Variants in RALGAPA1 observed in about 807,000 individuals in gnomAD.
RALGAPA1 encodes the protein Ral GTPase activating protein catalytic subunit alpha 1.
A neutral mutation model predicts 269.6 loss-of-function variants in RALGAPA1; 52 were observed. The ratio of observed to expected loss-of-function variants is 0.19; its 90% CI spans 0.15 to 0.24. The LOEUF (loss-of-function observed/expected upper bound fraction) is 0.24. Ranked by LOEUF, RALGAPA1 falls within the 10% of genes least tolerant of loss-of-function variation. The probability of loss-of-function intolerance (pLI) is 1.00; values close to 1 mark genes in which losing one functional copy is unlikely to be tolerated. For synonymous variants in RALGAPA1, 817 were observed against 1,008.3 expected (o/e 0.81, Z 3.60); for missense variants, 1,917 against 3,013.9 (o/e 0.64, Z 8.52).
intron 36 of RALGAPA1, among the ~76,000 whole-genome samples, chr14:35,604,369 G>T (rs554974834): frequency 6.6e-6 from 1 of 151,638 alleles, no homozygotes; most frequent in African/African-American, 2.4e-5. Flanking sequence ...TATCAATAAC[G>T]ATATCTAGAA....
rs1225305336 is a variant in RALGAPA1, at chr14:35,578,844, T to C, written c.7210-6126A>G. Among the ~76,000 whole-genome samples, 2 of 152,184 alleles carry C rather than the reference T, an allele frequency of 1.3e-5. 1 individual carries two copies. The highest frequency in any genetic ancestry group is 4.1e-4 in the South Asian group (2 of 4,832). On this transcript the variant is annotated intron_variant, in intron 37 of 41. Coordinates refer to ENST00000680220, the MANE Select transcript of RALGAPA1 (RefSeq NM_001346249.2). ...ATTCACTGAAAAAACATTTGTTAAA[T>C]GCCAACAGGCCTGGTACTAGGTGCT...
chr14:35,762,620 G>A (rs2073821413), intron 5 of RALGAPA1, 90 bp downstream of exon 5: 3 of 796,286 alleles, frequency 3.8e-6, no homozygotes, highest in South Asian at 2.9e-5. Context: ...GAGATCTTTA[G>A]GAAAAAGCTT....
intron 35 of RALGAPA1, among the ~76,000 whole-genome samples, chr14:35,608,932 T>C (rs961388752): frequency 1.6e-4 from 24 of 152,034 alleles, no homozygotes; most frequent in African/African-American, 5.1e-4. Flanking sequence ...GGATAGACCA[T>C]AAAACAAGCC....
chr14:35,592,056 T>C (rs1455570102), intron 37 of RALGAPA1, among the ~76,000 whole-genome samples: 1 of 152,220 alleles, frequency 6.6e-6, no homozygotes, highest in African/African-American at 2.4e-5. Flanking sequence ...TACACCTCTT[T>C]TGTTTATAAA....
intron 22 of RALGAPA1, among the ~76,000 whole-genome samples, chr14:35,674,982 C>T (rs1473082623): frequency 2.0e-5 from 3 of 152,056 alleles, no homozygotes; most frequent in South Asian, 4.1e-4. Flanking sequence ...TCTATCTATG[C>T]AGATAGAGAA....
Position 35,766,153 on chromosome 14 carries a change from T to C in RALGAPA1, c.326-3400A>G, listed in dbSNP as rs1415229775. The C allele has an allele frequency of 1.2e-5, 11 of 911,462 alleles. No homozygotes were observed. The East Asian group carries it at 1.9e-4, about 16-fold the overall frequency. 56.5% of individuals were successfully genotyped at this position (911,462 alleles called of 1,614,324 possible). Reference sequence around the variant, plus strand: ...AATCCTGCTGCCTACTGTGGGCTTGTTGGTTTCAAACCAAACTATGGCTTA... The same window carrying C: ...AATCCTGCTGCCTACTGTGGGCTTGCTGGTTTCAAACCAAACTATGGCTTA... On this transcript the variant is annotated intron_variant, in intron 4 of 41. Transcript: ENST00000680220.
intron 1 of RALGAPA1, among the ~76,000 whole-genome samples, chr14:35,791,904 CAAAAAAAA>C (rs773722682): frequency 8.5e-5 from 1 of 11,774 alleles, no homozygotes; most frequent in Non-Finnish European, 2.1e-4. Flanking sequence ...GACTCTGTCT[CAAAAAAAA>C]AAAAAAAAAA....
intron 1 of RALGAPA1, among the ~76,000 whole-genome samples, chr14:35,796,787 C>A (rs954364003): frequency 2.7e-5 from 4 of 150,388 alleles, no homozygotes; most frequent in African/African-American, 9.7e-5. Flanking sequence ...ACAAAAGTAT[C>A]CTTTTTTTTT....
At chr14:35,595,254 A>G (rs2058862676) in intron 37 of RALGAPA1, among the ~76,000 whole-genome samples, 2 of 151,990 alleles carry the variant, frequency 1.3e-5, no homozygotes, top group Non-Finnish European at 2.9e-5. Context: ...ATTGTATGGT[A>G]TTTGGAATTT....
chr14:35,651,625 T>C (rs1308787169), intron 31 of RALGAPA1, among the ~76,000 whole-genome samples, 180 bp downstream of exon 31: 1 of 152,136 alleles, frequency 6.6e-6, no homozygotes, highest in African/African-American at 2.4e-5. Context: ...CAAATGGCAA[T>C]GAAATGTGAA....
chr14:35,759,921 A>T (rs1054924753), intron 6 of RALGAPA1, among the ~76,000 whole-genome samples: 48 of 152,042 alleles, frequency 3.2e-4, no homozygotes, highest in African/African-American at 1.1e-3. Context: ...CAAAAAAAAA[A>T]AAAAAAAGAA....
At chr14:35,790,992 T>A (rs2076129186) in intron 1 of RALGAPA1, among the ~76,000 whole-genome samples, 1 of 152,166 alleles carries the variant, frequency 6.6e-6, no homozygotes, top group African/African-American at 2.4e-5. Flanking sequence ...AGTCTTAAGA[T>A]GATAAACCAG....
At chr14:35,541,927 A>G in intron 41 of RALGAPA1, 1 of 720,594 alleles carries the variant, frequency 1.4e-6, no homozygotes, top group Non-Finnish European at 2.1e-6. Flanking sequence ...GCAGAGAGAG[A>G]GGAATCAAGG....
intron 35 of RALGAPA1, 53 bp from the exon 36 acceptor site, chr14:35,605,762 T>G: frequency 1.9e-6 from 3 of 1,575,900 alleles, no homozygotes; most frequent in Non-Finnish European, 2.6e-6. Context: ...ATCTACTCAT[T>G]CATCCAACAA....
intron 36 of RALGAPA1, among the ~76,000 whole-genome samples, chr14:35,600,741 A>T (rs890018029): frequency 1.3e-5 from 2 of 152,094 alleles, no homozygotes; most frequent in African/African-American, 4.8e-5. Context: ...CATTTGTTTC[A>T]ATTGTGTTAC....
In RALGAPA1 at chr14:35,611,182, TACTTGAGGCCAA is replaced by T. The variant is rs551640004; in HGVS notation, c.6930-5485_6930-5474del. The stretch of plus-strand genomic sequence containing the variant: ...CTTTGTGAGGCTGAGGCAGGAGGAC[TACTTGAGGCCAA>T]GAGTTTAAGACCAGCCTGGGGCCGG... On this transcript the variant is annotated intron_variant, in intron 35 of 41. Transcript: ENST00000680220. Among the ~76,000 whole-genome samples the T allele has an allele frequency of 4.6e-3, 698 of 151,954 alleles. 5 individuals carry two copies. Among genetic ancestry groups the T allele is most frequent in the African/African-American group, 0.016 (670 of 41,424 alleles).
At chr14:35,563,221 A>G (rs947310811) in intron 39 of RALGAPA1, among the ~76,000 whole-genome samples, 2 of 152,172 alleles carry the variant, frequency 1.3e-5, no homozygotes, top group Non-Finnish European at 2.9e-5. Context: ...AAGTACTATA[A>G]CAAAATGTTT....
chr14:35,640,089 A>G (rs1043625445), intron 31 of RALGAPA1, among the ~76,000 whole-genome samples: 1 of 152,168 alleles, frequency 6.6e-6, no homozygotes, highest in African/African-American at 2.4e-5. Context: ...TGAAAGCAGT[A>G]CTAAGAGGGA....
intron 31 of RALGAPA1, among the ~76,000 whole-genome samples, chr14:35,646,966 C>T (rs890106299): frequency 2.0e-4 from 30 of 152,222 alleles, no homozygotes; most frequent in African/African-American, 7.2e-4. Flanking sequence ...AACAATTCCA[C>T]CATAAAACTC....
Sources: gnomAD v4.1 joint callset for allele counts (sites outside exome capture counted in the v4.1 genomes callset) on GRCh38, gnomAD v4.1.1 for gene constraint, MANE v1.5 for transcripts, NCBI Gene and HGNC (gene_info 2026-07-23, HGNC 2026-07-21) for gene names.